PARD3B: variants seen among roughly 807,000 people sequenced by gnomAD.
PARD3B encodes par-3 family cell polarity regulator beta.
PARD3B carries 103 observed loss-of-function variants against 130.2 expected under a neutral mutation model. The ratio of observed to expected loss-of-function variants is 0.79; its 90% CI spans 0.67 to 0.93. PARD3B has a LOEUF of 0.93. Ranked by LOEUF, PARD3B falls within the 40% of genes least tolerant of loss-of-function variation. PARD3B has a pLI of 0.00. For missense variants in PARD3B, 1,609 were observed against 1,499.2 expected (o/e 1.07, Z -1.21); for synonymous variants, 583 against 553.2 (o/e 1.05, Z -0.76).
At chr2:204,714,015 A>G (rs990768333) in intron 2 of PARD3B, among the ~76,000 whole-genome samples, 1 of 152,210 alleles carries the variant, frequency 6.6e-6, no homozygotes, top group Non-Finnish European at 1.5e-5. Context: ...ATTAACACAT[A>G]TATGTATGCA....
chr2:204,556,223 A>C (rs536136306), intron 1 of PARD3B, among the ~76,000 whole-genome samples: 1 of 152,224 alleles, frequency 6.6e-6, no homozygotes, highest in Admixed American at 6.5e-5. Context: ...ACTCAACAAC[A>C]TGATTGTGTA....
At chr2:204,638,731 G>T (rs1437440782) in intron 1 of PARD3B, among the ~76,000 whole-genome samples, 3 of 152,168 alleles carry the variant, frequency 2.0e-5, no homozygotes, top group Non-Finnish European at 4.4e-5. Flanking sequence ...TGTACCTCAT[G>T]TTTAGCATGT....
chr2:205,254,609 CTT>C (rs1048221753), intron 16 of PARD3B, among the ~76,000 whole-genome samples: 3 of 151,912 alleles, frequency 2.0e-5, no homozygotes, highest in African/African-American at 7.2e-5. Context: ...ACAAAGCACT[CTT>C]TTGTTCCTAC....
intron 1 of PARD3B, among the ~76,000 whole-genome samples, chr2:204,656,131 C>A (rs947571625): frequency 1.4e-4 from 22 of 152,206 alleles, no homozygotes; most frequent in African/African-American, 5.3e-4. Context: ...TTGGCCACTG[C>A]AAATCACAAA....
chr2:205,440,621 G>T lies in PARD3B; in HGVS notation c.2993G>T (p.Gly998Val), dbSNP rs748412154. 1.9e-6 allele frequency: 3 copies of T among 1,613,940 alleles called. 1 individual carries two copies. In the South Asian group the frequency reaches 3.3e-5, roughly 18 times the overall value. The part of the protein sequence containing the change: ...PLSPERDHLE[G>V]LYAKVNKPYH... ...TCTCCAGAAAGAGACCACTTAGAGG[G>T]TCTCTATGCCAAGGTCAACAAGCCA... The change falls in exon 20 of 23, where the codon GGT (glycine) becomes GTT (valine). Residue 998 changes from glycine (G) to valine (V), a missense_variant. Physicochemically the swap from Gly to Val is moderately radical, Grantham distance 109. Coordinates refer to ENST00000406610, the MANE Select transcript of PARD3B (RefSeq NM_001302769.2). The surrounding 1 kb of genome is among the most constrained non-coding windows in gnomAD (Gnocchi z 4.2).
At chr2:205,255,199 TGGTGCCCA>T (rs1315895791) in intron 16 of PARD3B, among the ~76,000 whole-genome samples, 2 of 151,618 alleles carry the variant, frequency 1.3e-5, no homozygotes, top group Non-Finnish European at 2.9e-5. Flanking sequence ...GGCTCTCTCT[TGGTGCCCA>T]GGATTGTTTA....
rs2044173644 is a variant in PARD3B, at chr2:204,839,215, C to G, written c.223-125937C>G. Among the ~76,000 whole-genome samples, 5 of 152,140 alleles carry G rather than the reference C, an allele frequency of 3.3e-5. No homozygotes were observed. The South Asian group carries it at 1.0e-3, about 31-fold the overall frequency. On this transcript the variant is annotated intron_variant, in intron 2 of 22. Coordinates refer to ENST00000406610, the MANE Select transcript of PARD3B (RefSeq NM_001302769.2). ...AAACGGTGCTTCCTTATATTCAGCT[C>G]ATGGCATCAGGAGGCACAAAATCTG...
chr2:205,594,537 G>A lies in PARD3B; in HGVS notation c.3261-20919G>A, dbSNP rs2054501890. On this transcript the variant is annotated intron_variant, in intron 22 of 22. Coordinates refer to ENST00000406610, the MANE Select transcript of PARD3B (RefSeq NM_001302769.2). ...ATAGCTATAGGGGCACATGGGAAAT[G>A]TCAGTGAGAGAAGCAGGTGGGAGCA... Among the ~76,000 whole-genome samples, 4 of 152,186 alleles carry A rather than the reference G, an allele frequency of 2.6e-5. 1 individual carries two copies. In the South Asian group the frequency reaches 8.3e-4, roughly 32 times the overall value.
Position 205,041,426 on chromosome 2 carries a change from T to C in PARD3B, c.395-6155T>C, listed in dbSNP as rs536520508. ...AGAATGATTTTAGGTGTCTGTTTTA[T>C]GCTCCTTCTCATTTGCTTTTTATGT... On this transcript the variant is annotated intron_variant, in intron 3 of 22. Coordinates refer to ENST00000406610, the MANE Select transcript of PARD3B (RefSeq NM_001302769.2). Among the ~76,000 whole-genome samples the C allele has an allele frequency of 1.7e-3, 260 of 152,332 alleles. 2 individuals are homozygous for C. Among genetic ancestry groups the C allele is most frequent in the Non-Finnish European group, 2.4e-3 (166 of 68,032 alleles).
intron 3 of PARD3B, among the ~76,000 whole-genome samples, chr2:204,988,490 T>C (rs1190374743): frequency 6.6e-6 from 1 of 152,142 alleles, no homozygotes; most frequent in Non-Finnish European, 1.5e-5. Flanking sequence ...ACTAAAAGAT[T>C]GTAATTGTTT....
rs540146914 is a variant in PARD3B at position 205,299,073 on chromosome 2, C to T, written c.2186-1457C>T. On this transcript the variant is annotated intron_variant, in intron 16 of 22. Coordinates refer to ENST00000406610, the MANE Select transcript of PARD3B (RefSeq NM_001302769.2). The stretch of plus-strand genomic sequence containing the variant: ...AGTGCTTAACACAGACTAAGCACTC[C>T]ATGCATTATTAGCTATTACGATTAT... Among the ~76,000 whole-genome samples the T allele has an allele frequency of 3.3e-5, 5 of 152,256 alleles. No homozygotes were observed. In the East Asian group the frequency reaches 9.7e-4, roughly 29 times the overall value.
chr2:204,661,754 ATCTT>A (rs1296433409), intron 1 of PARD3B, among the ~76,000 whole-genome samples: 1 of 152,232 alleles, frequency 6.6e-6, no homozygotes, highest in Non-Finnish European at 1.5e-5. Flanking sequence ...GAAAATAACT[ATCTT>A]CTAAGAACAA....
At chr2:204,913,348 A>G (rs549088253) in intron 2 of PARD3B, among the ~76,000 whole-genome samples, 1 of 152,166 alleles carries the variant, frequency 6.6e-6, no homozygotes, top group African/African-American at 2.4e-5. Context: ...GTGCTGTGTG[A>G]TATTGCTTCA....
At chr2:205,161,753 C>T (rs1197348435) in intron 11 of PARD3B, among the ~76,000 whole-genome samples, 1 of 152,130 alleles carries the variant, frequency 6.6e-6, no homozygotes, top group African/African-American at 2.4e-5. Flanking sequence ...GGTTTTTACC[C>T]GGAATCAACA....
chr2:205,206,966 A>G (rs2037351946), intron 15 of PARD3B, among the ~76,000 whole-genome samples: 1 of 148,032 alleles, frequency 6.8e-6, no homozygotes, highest in Non-Finnish European at 1.5e-5. Flanking sequence ...CATACTTGGA[A>G]GTAAAGCTCT....
chr2:204,921,410 T>A (rs1227121797), intron 2 of PARD3B, among the ~76,000 whole-genome samples: 1 of 152,200 alleles, frequency 6.6e-6, no homozygotes, highest in African/African-American at 2.4e-5. Context: ...GACCTTATGT[T>A]AGATCATTTT....
intron 18 of PARD3B, among the ~76,000 whole-genome samples, chr2:205,356,209 T>A (rs964258748): frequency 6.6e-6 from 1 of 152,218 alleles, no homozygotes; most frequent in Non-Finnish European, 1.5e-5. Flanking sequence ...TTTGTGTTAC[T>A]CCTCAGTTCT....
At chr2:205,340,537 A>C (rs1033954516) in intron 18 of PARD3B, among the ~76,000 whole-genome samples, 3 of 152,120 alleles carry the variant, frequency 2.0e-5, no homozygotes, top group African/African-American at 7.2e-5. Context: ...GGAAAACTTG[A>C]TATCTGTGTG....
intron 3 of PARD3B, among the ~76,000 whole-genome samples, chr2:205,029,073 GT>G (rs1314426086): frequency 6.6e-6 from 1 of 152,102 alleles, no homozygotes; most frequent in Non-Finnish European, 1.5e-5. Flanking sequence ...TTGTGTCTCT[GT>G]TTCAGCCTAC....
Sources: gnomAD v4.1 joint callset for allele counts (sites outside exome capture counted in the v4.1 genomes callset) on GRCh38, gnomAD v4.1.1 for gene constraint, Gnocchi (gnomAD v3.1) non-coding constraint, MANE v1.5 for transcripts, NCBI Gene and HGNC (gene_info 2026-07-23, HGNC 2026-07-21) for gene names.